Variants in FGFR2 observed in about 807,000 individuals in gnomAD.
FGFR2 encodes the protein BEK fibroblast growth factor receptor.
FGFR2 carries 19 observed loss-of-function variants against 95.9 expected under a neutral mutation model. The observed-to-expected ratio is 0.20, with a 90% confidence interval of 0.14 to 0.29. The LOEUF (loss-of-function observed/expected upper bound fraction) is 0.29, where lower values mean the gene tolerates loss of function less well. FGFR2 is among the 10% of genes least tolerant of loss of function. FGFR2 has a pLI of 1.00. For synonymous variants in FGFR2, 392 were observed against 393.3 expected (o/e 1.00, Z 0.04); for missense variants, 707 against 1,056.9 (o/e 0.67, Z 4.59).
At chr10:121,571,553 T>A (rs1858726194) in intron 2 of FGFR2, among the ~76,000 whole-genome samples, 1 of 147,430 alleles carries the variant, frequency 6.8e-6, no homozygotes, top group Admixed American at 6.8e-5. Flanking sequence ...GCAATCCACC[T>A]GCCTCCGCCT....
rs577843670 is a variant in FGFR2 at position 121,496,856 on chromosome 10, C to G, written c.1673-134G>C. ...TAAAGTTTAACATACAGCGGCTGGG[C>G]GTGGTGCCTCATATCTGTAATCCCA... On this transcript the variant is annotated intron_variant, in intron 12 of 17. Transcript: ENST00000358487. 6.4e-4 allele frequency: 495 copies of G among 767,802 alleles called. 2 individuals carry two copies. In the African/African-American group the frequency reaches 7.8e-3, roughly 12 times the overall value. The allele number at this position is 767,802 out of a possible 1,614,324, so 47.6% of individuals were successfully genotyped here. A position where few individuals can be genotyped will look rare whatever the true frequency, so the allele number is the denominator to read the frequency against.
intron 2 of FGFR2, among the ~76,000 whole-genome samples, chr10:121,577,178 T>TAGAGAGAGAGAG (rs1169688456): frequency 0.11 from 578 of 5,226 alleles, 70 homozygotes; most frequent in Middle Eastern, 0.42. Flanking sequence ...TATATATATA[T>TAGAGAGAGAGAG]AGAGAGAGAG....
chr10:121,563,869 C>T (rs1325599375), intron 4 of FGFR2, among the ~76,000 whole-genome samples: 1 of 152,200 alleles, frequency 6.6e-6, no homozygotes, highest in African/African-American at 2.4e-5. Context: ...CCACCCTTGG[C>T]TCCCTTTTCA....
chr10:121,517,322 G>A lies in FGFR2; in HGVS notation c.1081C>T (p.Pro361Ser), dbSNP rs1322410924. 1.2e-6 allele frequency: 2 copies of A among 1,614,112 alleles called. No homozygotes were observed. The highest frequency in any genetic ancestry group is 1.1e-5 in the South Asian group (1 of 91,064). ...SFHSAWLTVL[P>S]APGREKEITA... is the part of the protein sequence containing the mutation. The stretch of plus-strand genomic sequence containing the variant: ...AGAGAGAAAGAACAGTATATACCTG[G>A]CAGAACTGTCAACCATGCAGAGTGA... The change falls in exon 8 of 18, where the codon CCA becomes TCA. Residue 361 changes from proline to serine, a missense_variant. This residue lies in a region of FGFR2 where 194 missense variants were observed against 267.3 expected (regional missense o/e 0.73). Coordinates refer to ENST00000358487, the MANE Select transcript of FGFR2 (RefSeq NM_000141.5). The surrounding 1 kb of genome is among the most constrained non-coding windows in gnomAD (Gnocchi z 4.7).
rs199697707 is a variant in FGFR2, at chr10:121,487,984, G to A, written c.1986+7C>T. On this transcript the variant is annotated splice_region_variant and intron_variant, in intron 14 of 17. Transcript: ENST00000358487. The stretch of plus-strand genomic sequence containing the variant: ...CCCTGCCCACTGTGTTACTGCCATC[G>A]ACTTACATTGGTGGTCTTTTTGTAA... The A allele has an allele frequency of 1.4e-4, 232 of 1,613,954 alleles. No individual in the cohort carries two copies. In the African/African-American group the frequency reaches 1.4e-3, roughly 10 times the overall value.
chr10:121,494,148 C>T (rs1231916667), intron 13 of FGFR2, among the ~76,000 whole-genome samples: 6 of 152,228 alleles, frequency 3.9e-5, no homozygotes, highest in South Asian at 2.1e-4. Flanking sequence ...CTTCCTCCCC[C>T]TCAGAGGCTT....
rs778678344 is a variant in FGFR2, at chr10:121,479,438, A to G, written c.*419T>C. On this transcript the variant is annotated 3_prime_UTR_variant, in exon 18 of 18. Coordinates refer to ENST00000358487, the MANE Select transcript of FGFR2 (RefSeq NM_000141.5). ...ATAACTCCTTGTAAATATATAATAT[A>G]TATTTATACATAATTTGAATATATT... 3.0e-5 allele frequency: 12 copies of G among 397,022 alleles called. No individual in the cohort carries two copies. The highest frequency in any genetic ancestry group is 5.3e-5 in the Non-Finnish European group (12 of 226,924). 24.6% of individuals were successfully genotyped at this position (397,022 alleles called of 1,614,324 possible). A position where few individuals can be genotyped will look rare whatever the true frequency, so the allele number is the denominator to read the frequency against.
At chr10:121,505,200 A>T (rs1848117170) in intron 9 of FGFR2, among the ~76,000 whole-genome samples, 1 of 152,202 alleles carries the variant, frequency 6.6e-6, no homozygotes, top group Non-Finnish European at 1.5e-5. Context: ...AAAAGCTTTG[A>T]ATCTCGCCTT....
intron 2 of FGFR2, among the ~76,000 whole-genome samples, chr10:121,588,595 T>C (rs921611348): frequency 6.6e-6 from 1 of 151,944 alleles, no homozygotes; most frequent in Non-Finnish European, 1.5e-5. Context: ...CTCTAAATCA[T>C]ATGGGATACA....
At chr10:121,552,598 G>A (rs561268790) in intron 4 of FGFR2, among the ~76,000 whole-genome samples, 3 of 152,198 alleles carry the variant, frequency 2.0e-5, no homozygotes, top group Non-Finnish European at 4.4e-5. Flanking sequence ...CTAAGAAGAT[G>A]CAGCTTCTCC....
At chr10:121,572,010 A>T (rs1858863627) in intron 2 of FGFR2, among the ~76,000 whole-genome samples, 2 of 151,966 alleles carry the variant, frequency 1.3e-5, no homozygotes, top group South Asian at 4.2e-4. Flanking sequence ...AGGTACTTGT[A>T]CAGCTAATCA....
At chr10:121,578,413 A>G (rs549412697) in intron 2 of FGFR2, among the ~76,000 whole-genome samples, 2 of 152,262 alleles carry the variant, frequency 1.3e-5, no homozygotes, top group South Asian at 2.1e-4. Flanking sequence ...CCCGATTCCC[A>G]TTAAGACACT....
chr10:121,542,833 A>AC (rs745793389), intron 5 of FGFR2, among the ~76,000 whole-genome samples: 1 of 152,158 alleles, frequency 6.6e-6, no homozygotes, highest in African/African-American at 2.4e-5. Flanking sequence ...ATCCCAGGCT[A>AC]CCCTCAGGTG....
chr10:121,588,531 G>A (rs1862167020), intron 2 of FGFR2, among the ~76,000 whole-genome samples: 1 of 152,078 alleles, frequency 6.6e-6, no homozygotes, highest in Admixed American at 6.6e-5. Flanking sequence ...TTCAATGCTA[G>A]GAAAGCTAAA....
At chr10:121,567,207 T>C (rs1397537332) in intron 2 of FGFR2, among the ~76,000 whole-genome samples, 4 of 152,138 alleles carry the variant, frequency 2.6e-5, no homozygotes, top group African/African-American at 7.2e-5. Flanking sequence ...AAGGGCCACA[T>C]GCATTGGGGA....
At chr10:121,551,692 T>C (rs1374852085) in intron 4 of FGFR2, among the ~76,000 whole-genome samples, 1 of 150,266 alleles carries the variant, frequency 6.7e-6, no homozygotes, top group African/African-American at 2.4e-5. Flanking sequence ...AAAAAAAAAG[T>C]GTTTGAGGCC....
At chr10:121,577,178 T>TATATATATATACAGAGAGAGAG in intron 2 of FGFR2, among the ~76,000 whole-genome samples, 1 of 5,214 alleles carries the variant, frequency 1.9e-4, no homozygotes, top group African/African-American at 7.8e-4. Context: ...TATATATATA[T>TATATATATATACAGAGAGAGAG]AGAGAGAGAG....
rs1420265363 is a variant in FGFR2, at chr10:121,583,359, AGCAGAG to A, written c.109+10344_109+10349del. The stretch of plus-strand genomic sequence containing the variant: ...GGGTTAGCAGGCACTAGGACAAACC[AGCAGAG>A]GCATCTGGGACAAGGAATAACTGGG... On this transcript the variant is annotated intron_variant, in intron 2 of 17. Transcript: ENST00000358487. The A allele has an allele frequency of 5.9e-5, 9 of 152,378 alleles. No individual in the cohort carries two copies. The South Asian group carries it at 1.9e-3, about 32-fold the overall frequency. 9.4% of individuals were successfully genotyped at this position (152,378 alleles called of 1,614,324 possible). A position where few individuals can be genotyped will look rare whatever the true frequency, so the allele number is the denominator to read the frequency against.
chr10:121,576,782 T>C (rs1859835259), intron 2 of FGFR2, among the ~76,000 whole-genome samples: 1 of 152,070 alleles, frequency 6.6e-6, no homozygotes, highest in Non-Finnish European at 1.5e-5. Context: ...GCAGTAAGGC[T>C]ATGGCCTCAT....
Sources: allele counts gnomAD v4.1 joint callset (sites outside exome capture counted in the v4.1 genomes callset), GRCh38; gene constraint gnomAD v4.1.1; regional missense constraint gnomAD v4.1.1; non-coding constraint Gnocchi (gnomAD v3.1); transcripts MANE v1.5; gene names NCBI Gene and HGNC (gene_info 2026-07-23, HGNC 2026-07-21).